USP47: variants seen among roughly 807,000 people sequenced by gnomAD.
USP47 encodes the protein ubiquitin specific peptidase 47.
In USP47, 35 loss-of-function variants were observed where a neutral mutation model predicts 165.1. That is an observed-to-expected ratio of 0.21 (90% CI 0.16 to 0.28). The LOEUF is 0.28. USP47 is among the 10% of genes least tolerant of loss of function. USP47 has a pLI of 1.00. For synonymous variants in USP47, 531 were observed against 544.5 expected (o/e 0.98, Z 0.35); for missense variants, 1,277 against 1,607.4 (o/e 0.79, Z 3.52).
intron 5 of USP47, among the ~76,000 whole-genome samples, chr11:11,898,898 G>A (rs927943154): frequency 6.6e-6 from 1 of 152,198 alleles, no homozygotes; most frequent in African/African-American, 2.4e-5. Flanking sequence ...ATCAGATAGT[G>A]TTCCGAGCAC....
chr11:11,861,315 C>T (rs1258252791), intron 1 of USP47, among the ~76,000 whole-genome samples: 1 of 151,982 alleles, frequency 6.6e-6, no homozygotes, highest in Non-Finnish European at 1.5e-5. Flanking sequence ...AGGGTGGTCT[C>T]GAACTCCTGA....
In USP47 at chr11:11,933,915, G is replaced by A. The variant is rs1854863425; in HGVS notation, c.1849G>A (p.Ala617Thr). ...EVHKDKTLKE[A>T]VEMAYKMMDL... Reference sequence around the variant, plus strand: ...TCATAAGGATAAGACATTAAAGGAAGCAGTAGAAATGGCTTATAAGGTATG... The same window carrying A: ...TCATAAGGATAAGACATTAAAGGAAACAGTAGAAATGGCTTATAAGGTATG... The change falls in exon 16 of 28, where the codon GCA (alanine) becomes ACA (threonine). Residue 617 changes from alanine to threonine, a missense_variant. This residue lies in a region of USP47 where 909 missense variants were observed against 1,068.1 expected (regional missense o/e 0.85). Transcript: ENST00000527733. 1.9e-6 allele frequency: 3 copies of A among 1,607,984 alleles called. No homozygotes were observed. Among genetic ancestry groups the A allele is most frequent in the Non-Finnish European group, 1.7e-6 (2 of 1,176,000 alleles).
chr11:11,895,814 G>A (rs771854159), intron 4 of USP47, among the ~76,000 whole-genome samples: 1 of 152,158 alleles, frequency 6.6e-6, no homozygotes, highest in Non-Finnish European at 1.5e-5. Flanking sequence ...CACTGGGCCT[G>A]TTTGATTTCT....
chr11:11,954,861 T>C, intron 25 of USP47, 36 bp from the exon 26 acceptor site: 1 of 1,605,146 alleles, frequency 6.2e-7, no homozygotes, highest in South Asian at 1.1e-5. Context: ...AAGTTAATTT[T>C]TTAAATGAAC....
chr11:11,925,116 T>C (rs933945143), intron 11 of USP47, among the ~76,000 whole-genome samples: 15 of 151,778 alleles, frequency 9.9e-5, no homozygotes, highest in Admixed American at 5.2e-4. Flanking sequence ...TTTTTGGTTT[T>C]TTTTTTTTTG....
intron 14 of USP47, 70 bp downstream of exon 14, chr11:11,930,821 C>A: frequency 8.1e-7 from 1 of 1,235,770 alleles, no homozygotes; most frequent in Non-Finnish European, 1.1e-6. Flanking sequence ...GTTTGCAAAC[C>A]CAGATAACTA....
At chr11:11,861,350 C>T (rs1849374008) in intron 1 of USP47, among the ~76,000 whole-genome samples, 1 of 152,124 alleles carries the variant, frequency 6.6e-6, no homozygotes. Context: ...GCTGCCTTGG[C>T]CTCTGAAAGT....
intron 7 of USP47, among the ~76,000 whole-genome samples, chr11:11,905,188 GTGT>G (rs527848138): frequency 2.7e-4 from 40 of 150,194 alleles, no homozygotes; most frequent in Middle Eastern, 3.5e-3. Context: ...TAGGTTATTT[GTGT>G]TGTTTTGATT....
intron 1 of USP47, among the ~76,000 whole-genome samples, chr11:11,872,628 A>G (rs961352571): frequency 1.3e-5 from 2 of 152,240 alleles, no homozygotes; most frequent in African/African-American, 4.8e-5. Flanking sequence ...TTGCTTATAG[A>G]TTAGTTACCA....
chr11:11,882,437 G>T (rs890781446), intron 2 of USP47, among the ~76,000 whole-genome samples: 4 of 151,908 alleles, frequency 2.6e-5, no homozygotes, highest in African/African-American at 9.7e-5. Flanking sequence ...TAATATATTT[G>T]TTTTTTTAAA....
Position 11,925,255 on chromosome 11 carries a change from C to T in USP47, c.1386+2364C>T, listed in dbSNP as rs537160600. Among the ~76,000 whole-genome samples, 422 of 151,866 alleles carry T rather than the reference C, an allele frequency of 2.8e-3. 2 individuals carry two copies. The highest frequency in any genetic ancestry group is 7.9e-3 in the South Asian group (38 of 4,808). Reference sequence around the variant, plus strand: ...CCTGAGTAGCTGGAACTACAGGCACCGGCCACCACGCCCAGCTAATTTTTT... The same window carrying T: ...CCTGAGTAGCTGGAACTACAGGCACTGGCCACCACGCCCAGCTAATTTTTT... On this transcript the variant is annotated intron_variant, in intron 11 of 27. Coordinates refer to ENST00000527733, the MANE Select transcript of USP47 (RefSeq NM_001282659.2).
Position 11,956,420 on chromosome 11 carries a change from A to C in USP47, c.*245A>C, listed in dbSNP as rs947876495. The C allele has an allele frequency of 6.3e-5, 21 of 332,708 alleles. No homozygotes were observed. The highest frequency in any genetic ancestry group is 1.4e-4 in the Admixed American group (3 of 21,802). 20.6% of individuals were successfully genotyped at this position (332,708 alleles called of 1,614,324 possible). ...AAGGGATGTGCAAAAAAATAAAAAA[A>C]AACAACAAAAAAAGCTAACCTTCTA... On this transcript the variant is annotated 3_prime_UTR_variant, in exon 28 of 28. Transcript: ENST00000527733.
intron 1 of USP47, among the ~76,000 whole-genome samples, chr11:11,861,276 A>T (rs984298500): frequency 6.6e-6 from 1 of 152,022 alleles, no homozygotes; most frequent in Non-Finnish European, 1.5e-5. Flanking sequence ...TGTATTTTTT[A>T]GTAGAGACGG....
chr11:11,933,788 C>A, intron 15 of USP47, 43 bp from the exon 16 acceptor site: 1 of 1,399,398 alleles, frequency 7.1e-7, no homozygotes, highest in Non-Finnish European at 1.0e-6. Context: ...AAGAATTGAA[C>A]TTTGGAACTG....
chr11:11,870,629 C>T (rs1435982438), intron 1 of USP47, among the ~76,000 whole-genome samples: 1 of 152,124 alleles, frequency 6.6e-6, no homozygotes, highest in Non-Finnish European at 1.5e-5. Flanking sequence ...TCTTGAAGGG[C>T]ATTTCTGCTG....
chr11:11,922,717 T>G lies in USP47; in HGVS notation c.1219-7T>G. 1 of 1,605,794 alleles carries G rather than the reference T, an allele frequency of 6.2e-7. No homozygotes were observed. Among genetic ancestry groups the G allele is most frequent in the Non-Finnish European group, 8.5e-7 (1 of 1,175,126 alleles). ...GTTTATAACTAAGATAATTATGTCT[T>G]ATTAAGAAATCTCCTCAGACTGAAA... is the stretch of plus-strand genomic sequence containing the variant. On this transcript the variant is annotated splice_region_variant and splice_polypyrimidine_tract_variant and intron_variant, in intron 10 of 27. Transcript: ENST00000527733.
intron 1 of USP47, among the ~76,000 whole-genome samples, chr11:11,866,828 A>T (rs72856353): frequency 5.9e-5 from 9 of 151,922 alleles, no homozygotes; most frequent in African/African-American, 2.2e-4. Flanking sequence ...CAAATTAGGC[A>T]TTAGTCTAGT....
At chr11:11,858,338 TAATG>T (rs1255308282) in intron 1 of USP47, among the ~76,000 whole-genome samples, 3 of 152,174 alleles carry the variant, frequency 2.0e-5, no homozygotes, top group Non-Finnish European at 4.4e-5. Flanking sequence ...GGGTCTCAGG[TAATG>T]AAAGGACATA....
intron 16 of USP47, among the ~76,000 whole-genome samples, 167 bp from the exon 17 acceptor site, chr11:11,936,136 G>T (rs1324413057): frequency 6.6e-6 from 1 of 151,548 alleles, no homozygotes; most frequent in African/African-American, 2.4e-5. Flanking sequence ...TTTAAGTTGT[G>T]CCTGTAACTT....
Sources: allele counts gnomAD v4.1 joint callset (sites outside exome capture counted in the v4.1 genomes callset), GRCh38; gene constraint gnomAD v4.1.1; regional missense constraint gnomAD v4.1.1; transcripts MANE v1.5; gene names NCBI Gene and HGNC (gene_info 2026-07-23, HGNC 2026-07-21).